EXOG: variants seen among roughly 807,000 people sequenced by gnomAD.
EXOG encodes exo/endonuclease G.
In EXOG, 27 loss-of-function variants were observed where a neutral mutation model predicts 25.8. That is an observed-to-expected ratio of 1.05 (90% CI 0.77 to 1.45). The LOEUF (loss-of-function observed/expected upper bound fraction) is 1.45, where lower values mean the gene tolerates loss of function less well. EXOG is among the 40% of genes most tolerant of loss of function. The pLI, the probability that EXOG is intolerant of heterozygous loss-of-function variation, is 0.00. For synonymous variants in EXOG, 133 were observed against 167.0 expected (o/e 0.80, Z 1.57); for missense variants, 458 against 450.5 (o/e 1.02, Z -0.15).
intron 4 of EXOG, 135 bp from the exon 5 acceptor site, chr3:38,506,719 T>C (rs1660219081): frequency 2.2e-6 from 1 of 453,648 alleles, no homozygotes; most frequent in Non-Finnish European, 3.9e-6. Context: ...ATGCTTATAA[T>C]GTTTTGTGCC....
Position 38,497,616 on chromosome 3 carries a change from T to A in EXOG, c.164-13T>A. 1 of 1,557,634 alleles carries A rather than the reference T, an allele frequency of 6.4e-7. No individual in the cohort carries two copies. The highest frequency in any genetic ancestry group is 8.6e-7 in the Non-Finnish European group (1 of 1,163,782). ...GTCTCTGCCCCCCCTTTTTTTTTTT[T>A]TTTCATTTTTAGGATCTGCAGAAAA... is the stretch of plus-strand genomic sequence containing the variant. On this transcript the variant is annotated splice_polypyrimidine_tract_variant and intron_variant, in intron 1 of 5. Transcript: ENST00000287675.
chr3:38,497,137 C>A, intron 1 of EXOG: 1 of 1,000,120 alleles, frequency 1.0e-6, no homozygotes, highest in Admixed American at 6.0e-5. Flanking sequence ...GCTAATTTAA[C>A]TTGCTCCTTT....
chr3:38,511,064 C>T (rs1171050076), intron 5 of EXOG, among the ~76,000 whole-genome samples: 1 of 152,168 alleles, frequency 6.6e-6, no homozygotes, highest in Non-Finnish European at 1.5e-5. Flanking sequence ...AGCAAATTTT[C>T]AAGTACCTGT....
chr3:38,499,724 C>CCT (rs1360549014), intron 2 of EXOG: 14 of 453,694 alleles, frequency 3.1e-5, no homozygotes, highest in Admixed American at 9.5e-5. Context: ...CCTGCCTCAG[C>CCT]CTCCTGAGTA....
chr3:38,504,919 TGA>T (rs1164649662), intron 4 of EXOG, among the ~76,000 whole-genome samples: 1 of 152,200 alleles, frequency 6.6e-6, no homozygotes, highest in Non-Finnish European at 1.5e-5. Context: ...CCTGCACCAA[TGA>T]GAGACTTCAG....
chr3:38,501,687 C>G (rs2060048856), intron 3 of EXOG, among the ~76,000 whole-genome samples, 193 bp downstream of exon 3: 1 of 152,198 alleles, frequency 6.6e-6, no homozygotes, highest in African/African-American at 2.4e-5. Flanking sequence ...ATGAGGAAAA[C>G]TAAGTGCTAT....
chr3:38,505,298 ATC>A (rs1228650710), intron 4 of EXOG, among the ~76,000 whole-genome samples: 1 of 150,492 alleles, frequency 6.6e-6, no homozygotes, highest in East Asian at 2.0e-4. Flanking sequence ...CATTCAGATT[ATC>A]TGTTGAAGAT....
intron 3 of EXOG, among the ~76,000 whole-genome samples, chr3:38,502,062 A>G (rs2125755372): frequency 6.6e-6 from 1 of 152,216 alleles, no homozygotes; most frequent in African/African-American, 2.4e-5. Flanking sequence ...AGCTGGGATT[A>G]CAGGTTCCCG....
chr3:38,502,884 T>A (rs1283350576), intron 3 of EXOG, among the ~76,000 whole-genome samples: 1 of 152,230 alleles, frequency 6.6e-6, no homozygotes, highest in Non-Finnish European at 1.5e-5. Flanking sequence ...ATTATGTCAT[T>A]AAGATAGTAA....
chr3:38,505,434 A>G (rs1012313907), intron 4 of EXOG: 1 of 151,746 alleles, frequency 6.6e-6, no homozygotes, highest in Non-Finnish European at 1.5e-5. Context: ...TTACCTTGTA[A>G]TTGGACATAT....
At chr3:38,516,014 A>G (rs949270212) in intron 5 of EXOG, among the ~76,000 whole-genome samples, 1 of 152,190 alleles carries the variant, frequency 6.6e-6, no homozygotes, top group Non-Finnish European at 1.5e-5. Flanking sequence ...TGGTAAAAAT[A>G]TTAATATCAG....
At chr3:38,515,010 G>A (rs899146717) in intron 5 of EXOG, among the ~76,000 whole-genome samples, 1 of 152,172 alleles carries the variant, frequency 6.6e-6, no homozygotes, top group African/African-American at 2.4e-5. Context: ...GACTGCAAGT[G>A]ATCCGCCTGC....
intron 5 of EXOG, among the ~76,000 whole-genome samples, chr3:38,507,356 A>G (rs1213833695): frequency 2.6e-5 from 4 of 152,234 alleles, no homozygotes; most frequent in Admixed American, 2.0e-4. Flanking sequence ...TTGACAGATA[A>G]GAGTCAGGAG....
intron 2 of EXOG, chr3:38,498,890 C>T: frequency 2.2e-6 from 1 of 456,438 alleles, no homozygotes; most frequent in South Asian, 1.5e-5. Context: ...TGTAGAATTG[C>T]CAGATCTTGA....
chr3:38,500,302 A>G (rs2060009512), intron 2 of EXOG: 1 of 152,154 alleles, frequency 6.6e-6, no homozygotes. Context: ...TACAGCAGTA[A>G]ATTTATATCT....
intron 5 of EXOG, among the ~76,000 whole-genome samples, chr3:38,520,364 G>C (rs963373512): frequency 3.3e-5 from 5 of 152,198 alleles, no homozygotes; most frequent in African/African-American, 1.2e-4. Context: ...CTACAGTCTT[G>C]AGTAGAGTTC....
rs1382241022 is a variant in EXOG, at chr3:38,524,240, A to G, written c.985A>G (p.Met329Val). 6.8e-6 allele frequency: 11 copies of G among 1,613,962 alleles called. No individual in the cohort carries two copies. The highest frequency in any genetic ancestry group is 1.3e-5 in the African/African-American group (1 of 74,942). ...ATCAGTGCTCAGACTGGAAAAGATC[A>G]TGGAAAACTTGAAGAATGCAGAGAT... ...ARSVLRLEKI[M>V]ENLKNAEIEP... is the part of the protein sequence containing the mutation. The change falls in exon 6 of 6, where the codon ATG (methionine) becomes GTG (valine). Residue 329 changes from methionine (M) to valine (V), a missense_variant. By Grantham distance (21) the Met-to-Val change is conservative (BLOSUM62 1). Coordinates refer to ENST00000287675, the MANE Select transcript of EXOG (RefSeq NM_005107.4).
intron 5 of EXOG, among the ~76,000 whole-genome samples, chr3:38,516,866 CTGT>C (rs1299077650): frequency 6.6e-6 from 1 of 152,036 alleles, no homozygotes; most frequent in East Asian, 1.9e-4. Context: ...TTGGGTTTGT[CTGT>C]TGTTTGCTCA....
chr3:38,506,990 GT>G (rs1194097174), intron 5 of EXOG, 22 bp downstream of exon 5: 3 of 998,056 alleles, frequency 3.0e-6, no homozygotes, highest in Non-Finnish European at 4.8e-6. Flanking sequence ...TAATAGTCAG[GT>G]TTATGTTATC....
Sources: allele counts gnomAD v4.1 joint callset (sites outside exome capture counted in the v4.1 genomes callset), GRCh38; gene constraint gnomAD v4.1.1; transcripts MANE v1.5; gene names NCBI Gene and HGNC (gene_info 2026-07-23, HGNC 2026-07-21).